Variants in LMBR1 observed in about 807,000 individuals in gnomAD.
The protein encoded by LMBR1 is limb development membrane protein 1.
LMBR1 carries 52 observed loss-of-function variants against 73.9 expected under a neutral mutation model. The observed-to-expected ratio is 0.70, with a 90% CI of 0.56 to 0.89. The LOEUF (loss-of-function observed/expected upper bound fraction) is 0.89. Among genes scored for constraint, LMBR1 ranks in the 40% least tolerant of loss-of-function variants. LMBR1 has a pLI of 0.00. For synonymous variants in LMBR1, 215 were observed against 209.4 expected, an observed-to-expected ratio of 1.03 and a Z score of -0.23; for missense variants, 539 against 579.8, an observed-to-expected ratio of 0.93 and a Z score of 0.72.
At chr7:156,799,278 T>C (rs1318591080) in intron 4 of LMBR1, among the ~76,000 whole-genome samples, 2 of 152,182 alleles carry the variant, frequency 1.3e-5, no homozygotes, top group Non-Finnish European at 2.9e-5. Context: ...GCTTTGCAGA[T>C]ACCGTGTGAC....
intron 3 of LMBR1, among the ~76,000 whole-genome samples, chr7:156,830,008 T>C (rs1237044818): frequency 1.3e-5 from 2 of 152,226 alleles, no homozygotes; most frequent in African/African-American, 2.4e-5. Context: ...CCCACTACAG[T>C]AGGACTTCTG....
intron 7 of LMBR1, among the ~76,000 whole-genome samples, chr7:156,762,645 C>T (rs964910183): frequency 6.6e-6 from 1 of 152,146 alleles, no homozygotes; most frequent in Non-Finnish European, 1.5e-5. Context: ...GGCTGTGATG[C>T]TTCAAGTAAA....
chr7:156,844,281 G>A (rs1381874166), intron 1 of LMBR1, among the ~76,000 whole-genome samples: 2 of 152,040 alleles, frequency 1.3e-5, no homozygotes, highest in African/African-American at 2.4e-5. Context: ...CCAAGATCAC[G>A]CCACTGCACT....
intron 12 of LMBR1, 98 bp from the exon 13 acceptor site, chr7:156,725,935 A>G (rs1815660793): frequency 4.6e-6 from 4 of 861,614 alleles, no homozygotes; most frequent in Non-Finnish European, 7.3e-6. Context: ...TGAAATTATG[A>G]ATGTTTACTA....
chr7:156,839,047 C>CTTT lies in LMBR1; in HGVS notation c.67-2165_67-2163dup, dbSNP rs1164786244. 2.8e-4 allele frequency among the ~76,000 whole-genome samples: 28 copies of CTTT among 98,524 alleles called. 2 individuals are homozygous for CTTT. The highest frequency in any genetic ancestry group is 1.7e-3 in the Admixed American group (14 of 8,302). The allele number at this position is 98,524 out of a possible 152,430, so 64.6% of individuals were successfully genotyped here. On this transcript the variant is annotated intron_variant, in intron 1 of 16. Coordinates refer to ENST00000353442, the MANE Select transcript of LMBR1 (RefSeq NM_022458.4). Reference sequence around the variant, plus strand: ...GAGAAATATCTATTCTAGTCCTTTGCTTTTTTTTTTTTTTTTTTTTGGACA... The same window carrying CTTT: ...GAGAAATATCTATTCTAGTCCTTTGCTTTTTTTTTTTTTTTTTTTTTTTGGACA...
At chr7:156,874,123 T>G (rs954656649) in intron 1 of LMBR1, among the ~76,000 whole-genome samples, 1 of 152,178 alleles carries the variant, frequency 6.6e-6, no homozygotes. Context: ...TCAGGCATGG[T>G]GGGCTGCAGG....
At chr7:156,801,682 C>T (rs556536295) in intron 4 of LMBR1, among the ~76,000 whole-genome samples, 1 of 152,190 alleles carries the variant, frequency 6.6e-6, no homozygotes, top group Non-Finnish European at 1.5e-5. Context: ...TAGGCACATG[C>T]CACCGTGCCA....
intron 1 of LMBR1, among the ~76,000 whole-genome samples, chr7:156,889,905 G>A (rs1802591578): frequency 6.6e-6 from 1 of 152,160 alleles, no homozygotes; most frequent in African/African-American, 2.4e-5. Context: ...TTGGGAAGCT[G>A]AGGTGGGAGG....
In LMBR1 at chr7:156,808,259, T is replaced by C. The variant is rs141260447; in HGVS notation, c.320-11767A>G. On this transcript the variant is annotated intron_variant, in intron 4 of 16. Coordinates refer to ENST00000353442, the MANE Select transcript of LMBR1 (RefSeq NM_022458.4). ...GACTACACTTTCCGTTTTTGCTTCA[T>C]GTACTTAATATATGTCATTAGGCAG... is the stretch of plus-strand genomic sequence containing the variant. Among the ~76,000 whole-genome samples, 37 of 152,308 alleles carry C rather than the reference T, an allele frequency of 2.4e-4. No homozygotes were observed. The East Asian group carries it at 6.2e-3, about 25-fold the overall frequency.
At chr7:156,754,352 G>A (rs1198674338) in intron 9 of LMBR1, among the ~76,000 whole-genome samples, 2 of 152,012 alleles carry the variant, frequency 1.3e-5, no homozygotes, top group African/African-American at 2.4e-5. Context: ...ATAACTCAAC[G>A]TTACTTTTTA....
At chr7:156,816,437 G>C (rs890909926) in intron 4 of LMBR1, among the ~76,000 whole-genome samples, 1 of 152,080 alleles carries the variant, frequency 6.6e-6, no homozygotes, top group South Asian at 2.1e-4. Context: ...ATCAAACAAG[G>C]AGTAATGTCT....
intron 4 of LMBR1, among the ~76,000 whole-genome samples, chr7:156,814,861 T>A (rs1201506178): frequency 1.3e-5 from 2 of 152,064 alleles, no homozygotes; most frequent in East Asian, 3.9e-4. Context: ...CTCAACATCA[T>A]AAAAATGGTA....
At chr7:156,796,320 TC>T in intron 5 of LMBR1, 68 bp downstream of exon 5, 2 of 998,226 alleles carry the variant, frequency 2.0e-6, no homozygotes. Flanking sequence ...GTCTGCTTTT[TC>T]TAGTTCAATG....
chr7:156,761,795 T>A (rs1338216981), intron 8 of LMBR1, among the ~76,000 whole-genome samples: 1 of 151,782 alleles, frequency 6.6e-6, no homozygotes, highest in Admixed American at 6.6e-5. Context: ...CCTAACACAG[T>A]GAAACCCCGT....
rs535011014 is a variant in LMBR1 at position 156,821,595 on chromosome 7, T to C, written c.319+5010A>G. On this transcript the variant is annotated intron_variant, in intron 4 of 16. Coordinates refer to ENST00000353442, the MANE Select transcript of LMBR1 (RefSeq NM_022458.4). ...GCTCAGAGTCTTGAAGAAACACAAT[T>C]GGAAAACTGGAAATAAGAAAATTGG... Among the ~76,000 whole-genome samples the C allele has an allele frequency of 2.0e-5, 3 of 152,260 alleles. No individual in the cohort carries two copies. The East Asian group carries it at 5.8e-4, about 29-fold the overall frequency.
intron 1 of LMBR1, among the ~76,000 whole-genome samples, chr7:156,867,895 G>T (rs1043358522): frequency 6.6e-6 from 1 of 152,042 alleles, no homozygotes; most frequent in Non-Finnish European, 1.5e-5. Flanking sequence ...AAAAACTACC[G>T]AATTGGATAA....
At chr7:156,783,115 GC>G (rs1345162657) in intron 5 of LMBR1, among the ~76,000 whole-genome samples, 1 of 152,038 alleles carries the variant, frequency 6.6e-6, no homozygotes, top group Non-Finnish European at 1.5e-5. Context: ...TATTAGAATT[GC>G]AAAAACTCTA....
downstream of LMBR1, chr7:156,675,683 G>A (rs2886380): frequency 1.7e-4 from 217 of 1,289,118 alleles, 3 homozygotes; most frequent in African/African-American, 2.7e-3. Flanking sequence ...ACCCGCCCCC[G>A]CCTCCTCCTC....
intron 8 of LMBR1, among the ~76,000 whole-genome samples, chr7:156,757,872 A>C (rs1185652338): frequency 2.6e-5 from 4 of 152,226 alleles, no homozygotes; most frequent in Admixed American, 2.0e-4. Flanking sequence ...CCTAGCACTG[A>C]ACTCATCACT....
Sources: gnomAD v4.1 joint callset for allele counts (sites outside exome capture counted in the v4.1 genomes callset) on GRCh38, gnomAD v4.1.1 for gene constraint, MANE v1.5 for transcripts, NCBI Gene and HGNC (gene_info 2026-07-23, HGNC 2026-07-21) for gene names.